Variants in ASPSCR1 observed in about 807,000 individuals in gnomAD.
ASPSCR1 encodes the protein tether containing UBX domain for GLUT4.
A neutral mutation model predicts 68.9 loss-of-function variants in ASPSCR1; 55 were observed. The observed-to-expected ratio is 0.80, with a 90% confidence interval of 0.64 to 1.00. The LOEUF is 1.00. ASPSCR1 is among the 50% of genes least tolerant of loss of function. The pLI, the probability that ASPSCR1 is intolerant of heterozygous loss-of-function variation, is 0.00. For missense variants in ASPSCR1, 765 were observed against 762.2 expected (o/e 1.00, Z -0.04); for synonymous variants, 352 against 332.6 (o/e 1.06, Z -0.63).
intron 3 of ASPSCR1, among the ~76,000 whole-genome samples, chr17:81,984,017 G>C (rs548651771): frequency 2.2e-4 from 34 of 152,078 alleles, no homozygotes; most frequent in African/African-American, 8.0e-4. Flanking sequence ...ACCACACCCG[G>C]CTAATTTTTG....
Position 81,983,500 on chromosome 17 carries a change from G to T in ASPSCR1, c.159-54G>T. On this transcript the variant is annotated intron_variant, in intron 2 of 15. Coordinates refer to ENST00000306739, the MANE Select transcript of ASPSCR1 (RefSeq NM_024083.4). The surrounding 1 kb of genome is among the most constrained non-coding windows in gnomAD (Gnocchi z 4.4). The stretch of plus-strand genomic sequence containing the variant: ...GGACGGGGATGGCGGGGCGTGGATG[G>T]CAGGGCGTGTCAGGCTCTGCAGGGC... 7.0e-7 allele frequency: 1 copy of T among 1,438,240 alleles called. No homozygotes were observed. Among genetic ancestry groups the T allele is most frequent in the Non-Finnish European group, 9.6e-7 (1 of 1,038,820 alleles). The allele number at this position is 1,438,240 out of a possible 1,614,324, so 89.1% of individuals were successfully genotyped here.
chr17:82,001,907 G>A (rs1050600069), intron 7 of ASPSCR1, among the ~76,000 whole-genome samples: 3 of 152,044 alleles, frequency 2.0e-5, no homozygotes, highest in Non-Finnish European at 4.4e-5. Context: ...CTGCCACACC[G>A]TAACGTGCCC....
Position 81,983,475 on chromosome 17 carries a change from G to A in ASPSCR1, c.159-79G>A. ...CGTGGATGGCGGGGCGTGGATGGTG[G>A]GACGGGGATGGCGGGGCGTGGATGG... is the stretch of plus-strand genomic sequence containing the variant. On this transcript the variant is annotated intron_variant, in intron 2 of 15. Transcript: ENST00000306739. This position sits in a 1 kb window ranked among gnomAD's most constrained non-coding sequence, Gnocchi z 4.4. The A allele has an allele frequency of 8.3e-7, 1 of 1,211,402 alleles. No homozygotes were observed. The highest frequency in any genetic ancestry group is 1.2e-6 in the Non-Finnish European group (1 of 846,968). The allele number at this position is 1,211,402 out of a possible 1,614,324, so 75.0% of individuals were successfully genotyped here.
chr17:81,989,569 G>A (rs1189255728), intron 4 of ASPSCR1, among the ~76,000 whole-genome samples: 1 of 152,342 alleles, frequency 6.6e-6, no homozygotes, highest in East Asian at 1.9e-4. Context: ...TCGAAGGGGC[G>A]TTCTGAGGCT....
intron 7 of ASPSCR1, among the ~76,000 whole-genome samples, chr17:82,004,172 C>T (rs1050277474): frequency 6.6e-6 from 1 of 152,238 alleles, no homozygotes; most frequent in Non-Finnish European, 1.5e-5. Flanking sequence ...GCGCCCTCAC[C>T]CTGCAGCCCC....
intron 4 of ASPSCR1, among the ~76,000 whole-genome samples, chr17:81,991,738 G>A (rs1316107235): frequency 6.6e-6 from 1 of 152,218 alleles, no homozygotes; most frequent in African/African-American, 2.4e-5. Flanking sequence ...TGCCCTCTGC[G>A]GGCCTCCCTG....
At chr17:82,008,326 G>C (rs1239823830) in intron 7 of ASPSCR1, 1 of 152,288 alleles carries the variant, frequency 6.6e-6, no homozygotes, top group African/African-American at 2.4e-5. Context: ...AGGAGTGGGA[G>C]CCCAGAGCCG....
In ASPSCR1 at chr17:81,977,668, G is replaced by A. The variant is rs1245942197; in HGVS notation, c.22G>A (p.Gly8Arg). 7.2e-7 allele frequency: 1 copy of A among 1,397,456 alleles called. No homozygotes were observed. The highest frequency in any genetic ancestry group is 2.8e-5 in the Admixed American group (1 of 35,112). 86.6% of individuals were successfully genotyped at this position (1,397,456 alleles called of 1,614,324 possible). A position where few individuals can be genotyped will look rare whatever the true frequency, so the allele number is the denominator to read the frequency against. The change falls in exon 1 of 16, where the codon GGA becomes AGA. Residue 8 changes from glycine (G) to arginine (R), a missense_variant. By Grantham distance (125) the Gly-to-Arg change is moderately radical. Transcript: ENST00000306739. The surrounding 1 kb of genome is among the most constrained non-coding windows in gnomAD (Gnocchi z 5.0). ...GAAAATGGCGGCCCCGGCAGGCGGC[G>A]GAGGCTCCGCGGTGTCGGTGCTGGC... MAAPAGGGGSAVSVLAPN... is the reference protein window; with the variant it reads MAAPAGGRGSAVSVLAPN...
At chr17:82,012,424 C>T (rs1446379944) in intron 12 of ASPSCR1, 141 bp downstream of exon 12, 14 of 992,136 alleles carry the variant, frequency 1.4e-5, no homozygotes, top group East Asian at 5.0e-5. Flanking sequence ...CGGTGGGTTC[C>T]GAGGGGGCCG....
At chr17:81,995,736 G>C (rs2042313904) in intron 5 of ASPSCR1, among the ~76,000 whole-genome samples, 1 of 152,238 alleles carries the variant, frequency 6.6e-6, no homozygotes, top group Admixed American at 6.5e-5. Context: ...AGTGAGCTTG[G>C]GTCCCAGCTG....
At chr17:81,996,213 G>A (rs575747075) in intron 6 of ASPSCR1, 148 bp downstream of exon 6, 10 of 1,338,932 alleles carry the variant, frequency 7.5e-6, no homozygotes, top group Non-Finnish European at 8.9e-6. Flanking sequence ...CTGCCTGCCT[G>A]TGGGCGTGGG....
chr17:81,982,023 C>T (rs1286643612), intron 2 of ASPSCR1, among the ~76,000 whole-genome samples: 3 of 152,034 alleles, frequency 2.0e-5, no homozygotes, highest in African/African-American at 4.8e-5. Flanking sequence ...GGCTGGAGTG[C>T]AATGGCGCGA....
intron 2 of ASPSCR1, among the ~76,000 whole-genome samples, chr17:81,981,505 A>G (rs1408554657): frequency 6.6e-6 from 1 of 152,060 alleles, no homozygotes; most frequent in Non-Finnish European, 1.5e-5. Context: ...CAGCCTCCCG[A>G]GTAGCTGGGA....
At position 81,996,836 on chromosome 17, in the gene ASPSCR1, A is replaced by G; in HGVS notation, c.923A>G (p.Glu308Gly). The G allele has an allele frequency of 6.3e-7, 1 of 1,598,236 alleles. No individual in the cohort carries two copies. The highest frequency in any genetic ancestry group is 8.5e-7 in the Non-Finnish European group (1 of 1,173,990). The stretch of plus-strand genomic sequence containing the variant: ...GAGCGGGATCCCCAGCAGGAGCAGG[A>G]GCGGGAGCGGGTAAAAGGGGCTCTA... ...ERERDPQQEQERERPVDREPV... is the reference protein window; with the variant it reads ...ERERDPQQEQGRERPVDREPV... The change falls in exon 7 of 16, where the codon GAG becomes GGG. Residue 308 changes from glutamate (E) to glycine (G), a missense_variant. Glu to Gly is a moderately conservative substitution (Grantham distance 98). Coordinates refer to ENST00000306739, the MANE Select transcript of ASPSCR1 (RefSeq NM_024083.4).
intron 3 of ASPSCR1, among the ~76,000 whole-genome samples, chr17:81,985,137 C>T (rs1336924928): frequency 1.1e-4 from 16 of 150,266 alleles, no homozygotes; most frequent in Admixed American, 2.7e-4. Context: ...TGCACACACA[C>T]GCACATCTGC....
intron 2 of ASPSCR1, 51 bp downstream of exon 2, chr17:81,979,290 C>T (rs747908456): frequency 5.1e-6 from 8 of 1,575,528 alleles, no homozygotes; most frequent in Non-Finnish European, 6.1e-6. Context: ...TGTGCCCCTG[C>T]CCCCTGAACA....
At chr17:82,010,386 A>G (rs562115828) in intron 9 of ASPSCR1, among the ~76,000 whole-genome samples, 125 of 151,732 alleles carry the variant, frequency 8.2e-4, no homozygotes, top group Admixed American at 1.6e-3. Flanking sequence ...AAAATTAGTC[A>G]GGAGAGGTGG....
At chr17:82,016,714 G>T in intron 13 of ASPSCR1, 86 bp from the exon 14 acceptor site, 1 of 1,508,030 alleles carries the variant, frequency 6.6e-7, no homozygotes, top group Non-Finnish European at 9.0e-7. Context: ...CCCCCTCCCA[G>T]AGCTGAGTGC....
At chr17:81,985,320 G>T (rs572296461) in intron 3 of ASPSCR1, among the ~76,000 whole-genome samples, 187 bp from the exon 4 acceptor site, 1 of 152,298 alleles carries the variant, frequency 6.6e-6, no homozygotes, top group East Asian at 1.9e-4. Flanking sequence ...GTGCAGCCCT[G>T]CCGGGGAGCC....
Sources: allele counts gnomAD v4.1 joint callset (sites outside exome capture counted in the v4.1 genomes callset), GRCh38; gene constraint gnomAD v4.1.1; non-coding constraint Gnocchi (gnomAD v3.1); transcripts MANE v1.5; gene names NCBI Gene and HGNC (gene_info 2026-07-23, HGNC 2026-07-21).